Variants in PPP4R4 observed in about 807,000 individuals in gnomAD.
PPP4R4 encodes the protein protein phosphatase 4 regulatory subunit 4.
PPP4R4 carries 70 observed loss-of-function variants against 121.8 expected under a neutral mutation model. That is an observed-to-expected ratio of 0.57 (90% confidence interval 0.47 to 0.70). The LOEUF is 0.70. PPP4R4 is among the 30% of genes least tolerant of loss of function. The probability of loss-of-function intolerance (pLI) is 0.00; values close to 1 mark genes in which losing one functional copy is unlikely to be tolerated. For synonymous variants in PPP4R4, 348 were observed against 355.7 expected (o/e 0.98, Z 0.24); for missense variants, 875 against 1,033.6 (o/e 0.85, Z 2.10).
chr14:94,175,945 A>C (rs1262877986), intron 1 of PPP4R4, 109 bp from the exon 2 acceptor site: 8 of 853,770 alleles, frequency 9.4e-6, no homozygotes, highest in Admixed American at 2.0e-5. Context: ...TTAATGCTTA[A>C]TTGTGAAACT....
At chr14:94,215,085 T>C (rs1188307715) in intron 3 of PPP4R4, among the ~76,000 whole-genome samples, 2 of 152,122 alleles carry the variant, frequency 1.3e-5, no homozygotes, top group Non-Finnish European at 2.9e-5. Context: ...TTACAAGCAT[T>C]TGGGATAAGG....
At position 94,265,394 on chromosome 14, in the gene PPP4R4, C is replaced by T. The variant is rs1893990609; in HGVS notation, c.2205C>T (p.Asp735=). Residue 735 remains aspartate (D), a synonymous_variant, in exon 21 of 25, where the codon GAC becomes GAT. Transcript: ENST00000304338. ...AAGCAGAATTTATTTTAGGTAGAGA[C>T]ACTAAGACACCAACGCAAAGTCTGC... ...SDKMFEKKRR[D]TKTPTQSLPK... is the part of the protein sequence containing the mutation. 1 of 1,608,730 alleles carries T rather than the reference C, an allele frequency of 6.2e-7. No homozygotes were observed. The highest frequency in any genetic ancestry group is 1.3e-5 in the African/African-American group (1 of 74,786).
At position 94,275,318 on chromosome 14, in the gene PPP4R4, G is replaced by A. The variant is rs141352796; in HGVS notation, c.2450-56G>A. On this transcript the variant is annotated intron_variant, in intron 23 of 24. Coordinates refer to ENST00000304338, the MANE Select transcript of PPP4R4 (RefSeq NM_058237.2). ...TATCATTAACCTTTTCTTCTCTTTG[G>A]TTACCCTCTTTGTTAGTATATTTGG... 8.3e-4 allele frequency: 1,304 copies of A among 1,572,066 alleles called. 10 individuals are homozygous for A. In the African/African-American group the frequency reaches 0.016, roughly 19 times the overall value.
chr14:94,186,367 C>CT (rs1228420732), intron 2 of PPP4R4, among the ~76,000 whole-genome samples: 16 of 152,130 alleles, frequency 1.1e-4, no homozygotes, highest in Non-Finnish European at 1.5e-4. Context: ...ACAGTCTACT[C>CT]TTTTGTCTGG....
chr14:94,208,516 A>G lies in PPP4R4; in HGVS notation c.244A>G (p.Met82Val). 6.2e-7 allele frequency: 1 copy of G among 1,612,132 alleles called. No homozygotes were observed. Among genetic ancestry groups the G allele is most frequent in the Non-Finnish European group, 8.5e-7 (1 of 1,178,582 alleles). The change falls in exon 3 of 25, where the codon ATG becomes GTG. Residue 82 changes from methionine to valine, a missense_variant. Transcript: ENST00000304338. ...TGTGATTGCAAATCTCCCATTTTTG[A>G]TGCGACAGAATCCCACTGAGACGCT... ...TSVIANLPFL[M>V]RQNPTETLRR... is the part of the protein sequence containing the mutation.
chr14:94,225,124 A>G (rs1309064451), intron 3 of PPP4R4, among the ~76,000 whole-genome samples: 3 of 152,322 alleles, frequency 2.0e-5, no homozygotes, highest in South Asian at 4.1e-4. Context: ...GATTAAATCA[A>G]GAAGGAATAA....
rs1406571918 is a variant in PPP4R4, at chr14:94,183,211, T to A, written c.191+7084T>A. ...ATTGGAGTCTACCTGCTTATGGGAGTGCTATTCTCAGTCCCTGTGCTTTTA... is the reference window on the plus strand; with the variant it reads ...ATTGGAGTCTACCTGCTTATGGGAGAGCTATTCTCAGTCCCTGTGCTTTTA... On this transcript the variant is annotated intron_variant, in intron 2 of 24. Transcript: ENST00000304338. 2.6e-5 allele frequency among the ~76,000 whole-genome samples: 4 copies of A among 151,998 alleles called. No homozygotes were observed. The East Asian group carries it at 7.7e-4, about 29-fold the overall frequency.
At chr14:94,209,838 T>C (rs981209541) in intron 3 of PPP4R4, among the ~76,000 whole-genome samples, 32 of 152,088 alleles carry the variant, frequency 2.1e-4, no homozygotes, top group African/African-American at 7.7e-4. Flanking sequence ...CTGCACACTT[T>C]GCATTGAGCA....
chr14:94,236,498 A>C (rs957779566), intron 7 of PPP4R4, among the ~76,000 whole-genome samples: 2 of 152,078 alleles, frequency 1.3e-5, no homozygotes, highest in African/African-American at 4.8e-5. Context: ...AGTACTGGTA[A>C]TGTTAACATC....
chr14:94,228,101 T>G (rs1891819854), intron 3 of PPP4R4, among the ~76,000 whole-genome samples: 1 of 152,200 alleles, frequency 6.6e-6, no homozygotes, highest in Non-Finnish European at 1.5e-5. Flanking sequence ...TTGTGTATGA[T>G]ACAAAAGTTT....
Position 94,251,850 on chromosome 14 carries a change from T to C in PPP4R4, c.1819T>C (p.Phe607Leu). The C allele has an allele frequency of 1.3e-6, 2 of 1,597,708 alleles. No individual in the cohort carries two copies. The highest frequency in any genetic ancestry group is 1.7e-6 in the Non-Finnish European group (2 of 1,169,616). ...FSKSFFCKYF[F>L]LPAIELTHDP... ...AAAATCATTTTTCTGTAAATATTTCTTTCTACCTGCTATTGAACTGACACA... is the reference window on the plus strand; with the variant it reads ...AAAATCATTTTTCTGTAAATATTTCCTTCTACCTGCTATTGAACTGACACA... Residue 607 changes from phenylalanine (F) to leucine (L), a missense_variant, in exon 16 of 25, where the codon TTT (phenylalanine) becomes CTT (leucine). Coordinates refer to ENST00000304338, the MANE Select transcript of PPP4R4 (RefSeq NM_058237.2).
rs555429242 is a variant in PPP4R4 at position 94,241,092 on chromosome 14, A to G, written c.976+297A>G. Among the ~76,000 whole-genome samples the G allele has an allele frequency of 3.9e-5, 6 of 152,268 alleles. No individual in the cohort carries two copies. In the South Asian group the frequency reaches 1.2e-3, roughly 32 times the overall value. Reference sequence around the variant, plus strand: ...TATGTGATAATAGAAGCTCAGGCTTATTAACTATTTGTACGTAGTAAGTAT... The same window carrying G: ...TATGTGATAATAGAAGCTCAGGCTTGTTAACTATTTGTACGTAGTAAGTAT... On this transcript the variant is annotated intron_variant, in intron 9 of 24. Transcript: ENST00000304338.
intron 24 of PPP4R4, among the ~76,000 whole-genome samples, chr14:94,275,818 C>G (rs968219218): frequency 6.6e-6 from 1 of 152,094 alleles, no homozygotes; most frequent in African/African-American, 2.4e-5. Flanking sequence ...GAATTTATCT[C>G]TAAGAAGGCA....
At chr14:94,273,835 A>AACAAAC (rs753727092) in intron 23 of PPP4R4, among the ~76,000 whole-genome samples, 82 of 152,200 alleles carry the variant, frequency 5.4e-4, no homozygotes, top group Non-Finnish European at 6.8e-4. Context: ...CAAAAACAAA[A>AACAAAC]ACAAACCCTG....
intron 2 of PPP4R4, among the ~76,000 whole-genome samples, chr14:94,207,316 T>C (rs1383827173): frequency 6.6e-6 from 1 of 151,972 alleles, no homozygotes; most frequent in East Asian, 1.9e-4. Flanking sequence ...GAATTTTGTC[T>C]ATTAAAGGAT....
chr14:94,202,900 T>C (rs1418658272), intron 2 of PPP4R4, among the ~76,000 whole-genome samples: 3 of 151,964 alleles, frequency 2.0e-5, no homozygotes, highest in Admixed American at 1.3e-4. Flanking sequence ...GGAGAATAGC[T>C]TGAACCAGGG....
intron 4 of PPP4R4, 85 bp from the exon 5 acceptor site, chr14:94,231,157 G>T (rs1892010671): frequency 2.1e-6 from 2 of 970,270 alleles, no homozygotes; most frequent in Admixed American, 3.9e-5. Flanking sequence ...TTATCATTAA[G>T]TGCTATTGTA....
chr14:94,192,803 G>A (rs535954845), intron 2 of PPP4R4, among the ~76,000 whole-genome samples: 1 of 152,278 alleles, frequency 6.6e-6, no homozygotes, highest in African/African-American at 2.4e-5. Flanking sequence ...AACAAATTAT[G>A]AGGGTGTCCA....
At chr14:94,205,955 T>C (rs1290289398) in intron 2 of PPP4R4, among the ~76,000 whole-genome samples, 2 of 152,006 alleles carry the variant, frequency 1.3e-5, no homozygotes, top group African/African-American at 4.8e-5. Context: ...TGCTGTTGGA[T>C]AGAGTGTTCT....
Sources: gnomAD v4.1 joint callset for allele counts (sites outside exome capture counted in the v4.1 genomes callset) on GRCh38, gnomAD v4.1.1 for gene constraint, MANE v1.5 for transcripts, NCBI Gene and HGNC (gene_info 2026-07-23, HGNC 2026-07-21) for gene names.